LRRC8C: variants seen among roughly 807,000 people sequenced by gnomAD.
The protein encoded by LRRC8C is leucine rich repeat containing 8 VRAC subunit C.
LRRC8C carries 20 observed loss-of-function variants against 55.3 expected under a neutral mutation model. The observed-to-expected ratio is 0.36, with a 90% confidence interval of 0.25 to 0.53. The LOEUF is 0.53. Ranked by LOEUF, LRRC8C falls within the 20% of genes least tolerant of loss-of-function variation. The pLI is 0.92. For missense variants in LRRC8C, 659 were observed against 951.4 expected, an observed-to-expected ratio of 0.69 and a Z score of 4.04; for synonymous variants, 376 against 360.7, an observed-to-expected ratio of 1.04 and a Z score of -0.48.
intron 1 of LRRC8C, among the ~76,000 whole-genome samples, chr1:89,678,895 A>G (rs1657625839): frequency 6.6e-6 from 1 of 152,126 alleles, no homozygotes. Flanking sequence ...GGAATAGGGG[A>G]CTGGGACAGG....
At chr1:89,685,768 G>A (rs367567331) in intron 1 of LRRC8C, among the ~76,000 whole-genome samples, 40 of 152,184 alleles carry the variant, frequency 2.6e-4, no homozygotes, top group Admixed American at 1.4e-3. Context: ...TTGTCTCAGC[G>A]GAGAAAATTA....
At chr1:89,664,933 G>T (rs1657217051) in intron 1 of LRRC8C, among the ~76,000 whole-genome samples, 1 of 152,058 alleles carries the variant, frequency 6.6e-6, no homozygotes, top group South Asian at 2.1e-4. Flanking sequence ...CTCATGATTT[G>T]GCTGTTTGTC....
At chr1:89,695,154 T>G (rs1179287786) in intron 2 of LRRC8C, among the ~76,000 whole-genome samples, 1 of 152,088 alleles carries the variant, frequency 6.6e-6, no homozygotes, top group Non-Finnish European at 1.5e-5. Context: ...ACTCCTGACC[T>G]CAGGTGATCT....
At chr1:89,707,423 A>C (rs1455088453) in intron 2 of LRRC8C, among the ~76,000 whole-genome samples, 1 of 151,928 alleles carries the variant, frequency 6.6e-6, no homozygotes, top group East Asian at 1.9e-4. Flanking sequence ...ACAAAAACAA[A>C]AAAACAGATC....
intron 1 of LRRC8C, among the ~76,000 whole-genome samples, chr1:89,657,666 G>C (rs565269004): frequency 2.0e-5 from 3 of 150,352 alleles, no homozygotes; most frequent in Non-Finnish European, 3.0e-5. Context: ...GCTCGAACCC[G>C]GGAGGCAGAG....
intron 2 of LRRC8C, among the ~76,000 whole-genome samples, chr1:89,700,294 C>T (rs1271057233): frequency 1.3e-5 from 2 of 152,178 alleles, no homozygotes; most frequent in South Asian, 2.1e-4. Context: ...CTGCTTACTC[C>T]AAGCCTGAGC....
chr1:89,634,935 A>G (rs770273087), intron 1 of LRRC8C, among the ~76,000 whole-genome samples: 4 of 152,212 alleles, frequency 2.6e-5, no homozygotes, highest in Non-Finnish European at 5.9e-5. Context: ...CACATAATAG[A>G]TTGGGCACAG....
intron 1 of LRRC8C, among the ~76,000 whole-genome samples, chr1:89,637,662 C>T (rs1354546752): frequency 2.0e-5 from 3 of 152,072 alleles, no homozygotes; most frequent in Non-Finnish European, 4.4e-5. Context: ...CAGCAATAGA[C>T]TTCCACTTGG....
intron 1 of LRRC8C, among the ~76,000 whole-genome samples, chr1:89,640,876 G>T (rs942883070): frequency 6.6e-6 from 1 of 152,064 alleles, no homozygotes; most frequent in African/African-American, 2.4e-5. Context: ...TTTGAAAAGA[G>T]TTTGGCAAAA....
intron 1 of LRRC8C, among the ~76,000 whole-genome samples, chr1:89,659,192 G>A (rs1040405981): frequency 4.6e-5 from 7 of 151,526 alleles, no homozygotes; most frequent in African/African-American, 1.5e-4. Context: ...CTCCCAAGTA[G>A]CTAGACTGTG....
At chr1:89,677,141 T>C (rs1405753926) in intron 1 of LRRC8C, among the ~76,000 whole-genome samples, 1 of 152,222 alleles carries the variant, frequency 6.6e-6, no homozygotes, top group Non-Finnish European at 1.5e-5. Context: ...AATATCGTCA[T>C]TGTTTGAGAG....
chr1:89,681,420 G>T lies in LRRC8C; in HGVS notation c.-4-5050G>T, dbSNP rs1052874153. On this transcript the variant is annotated intron_variant, in intron 1 of 2. Coordinates refer to ENST00000370454, the MANE Select transcript of LRRC8C (RefSeq NM_032270.5). ...TAATGCTGTGTTAGATATTGGTTTG[G>T]GGCCTTGTAATATGTTAATTCAATA... Among the ~76,000 whole-genome samples, 5 of 152,226 alleles carry T rather than the reference G, an allele frequency of 3.3e-5. No homozygotes were observed. In the South Asian group the frequency reaches 6.2e-4, roughly 19 times the overall value.
intron 1 of LRRC8C, among the ~76,000 whole-genome samples, chr1:89,675,382 T>C (rs1277053814): frequency 6.6e-6 from 1 of 152,232 alleles, no homozygotes; most frequent in Non-Finnish European, 1.5e-5. Flanking sequence ...CACCCTCCTC[T>C]CCTTGCTGCC....
At chr1:89,631,483 G>A (rs1023677367), upstream of LRRC8C, 1 of 152,126 alleles carries the variant, frequency 6.6e-6, no homozygotes, top group Non-Finnish European at 1.5e-5. Context: ...GGAGGGTTGT[G>A]ACCTTGGTAC....
chr1:89,689,940 CA>C (rs1013964503), intron 2 of LRRC8C, among the ~76,000 whole-genome samples: 45 of 138,512 alleles, frequency 3.2e-4, no homozygotes, highest in Non-Finnish European at 4.1e-4. Flanking sequence ...GACTCCGTCT[CA>C]AAAAAAAAAA....
chr1:89,686,350 C>A, intron 1 of LRRC8C, 120 bp from the exon 2 acceptor site: 1 of 991,920 alleles, frequency 1.0e-6, no homozygotes, highest in Non-Finnish European at 1.5e-6. Context: ...ATTGATGTGT[C>A]TTGACAGCTC....
rs17130849 is a variant in LRRC8C, at chr1:89,670,259, A to G, written c.-4-16211A>G. 6.6e-3 allele frequency among the ~76,000 whole-genome samples: 1,010 copies of G among 152,184 alleles called. 7 individuals are homozygous for G. The highest frequency in any genetic ancestry group is 0.023 in the African/African-American group (949 of 41,502). ...TTGCCATAGTAAAGCTCATTCCGTG[A>G]TGTGAGAGACCCTAGTGCTGAAGAA... is the stretch of plus-strand genomic sequence containing the variant. On this transcript the variant is annotated intron_variant, in intron 1 of 2. Coordinates refer to ENST00000370454, the MANE Select transcript of LRRC8C (RefSeq NM_032270.5).
rs1233112995 is a variant in LRRC8C at position 89,648,460 on chromosome 1, C to T, written c.-5+15138C>T. ...TTTAGTATAAATAATAACCAACCAT[C>T]TGACCTATGAGACAAATATAAGGAA... On this transcript the variant is annotated intron_variant, in intron 1 of 2. Transcript: ENST00000370454. 2.6e-5 allele frequency among the ~76,000 whole-genome samples: 4 copies of T among 152,300 alleles called. No homozygotes were observed. The East Asian group carries it at 7.7e-4, about 29-fold the overall frequency.
At chr1:89,651,840 T>C (rs1469779986) in intron 1 of LRRC8C, among the ~76,000 whole-genome samples, 1 of 152,114 alleles carries the variant, frequency 6.6e-6, no homozygotes, top group African/African-American at 2.4e-5. Context: ...GACATCAAAA[T>C]AAAACAATAT....
Sources: allele counts gnomAD v4.1 joint callset (sites outside exome capture counted in the v4.1 genomes callset), GRCh38; gene constraint gnomAD v4.1.1; transcripts MANE v1.5; gene names NCBI Gene and HGNC (gene_info 2026-07-23, HGNC 2026-07-21).